EPHA6: variants seen among roughly 807,000 people sequenced by gnomAD.
EPHA6 encodes the protein EPH receptor A6.
In EPHA6, 50 loss-of-function variants were observed where a neutral mutation model predicts 112.0. The ratio of observed to expected loss-of-function variants is 0.45; its 90% CI spans 0.36 to 0.56. EPHA6 has a LOEUF of 0.56. EPHA6 is among the 20% of genes least tolerant of loss of function. EPHA6 has a pLI of 0.00. For missense variants in EPHA6, 1,280 were observed against 1,417.4 expected (o/e 0.90, Z 1.56); for synonymous variants, 529 against 490.7 (o/e 1.08, Z -1.03).
chr3:97,741,563 A>G (rs2035506622), intron 16 of EPHA6, among the ~76,000 whole-genome samples: 1 of 152,064 alleles, frequency 6.6e-6, no homozygotes, highest in East Asian at 1.9e-4. Context: ...CCTCACTGTT[A>G]TTATTCCCAT....
intron 1 of EPHA6, among the ~76,000 whole-genome samples, chr3:96,835,338 G>A (rs1225993996): frequency 6.6e-6 from 1 of 152,066 alleles, no homozygotes; most frequent in Non-Finnish European, 1.5e-5. Flanking sequence ...TTCAAAGGAA[G>A]TGGTGGTCAC....
intron 14 of EPHA6, among the ~76,000 whole-genome samples, chr3:97,691,725 G>T (rs747710350): frequency 1.1e-4 from 17 of 152,110 alleles, no homozygotes; most frequent in African/African-American, 4.1e-4. Flanking sequence ...TTATTTATCT[G>T]ATTGTACTAA....
chr3:97,341,282 A>T (rs985888423), intron 5 of EPHA6, among the ~76,000 whole-genome samples: 4 of 152,202 alleles, frequency 2.6e-5, no homozygotes, highest in Non-Finnish European at 4.4e-5. Flanking sequence ...AAGGGGCTAA[A>T]AAAAAGCAAA....
At chr3:97,511,265 A>G (rs534596327) in intron 10 of EPHA6, among the ~76,000 whole-genome samples, 1 of 151,980 alleles carries the variant, frequency 6.6e-6, no homozygotes, top group East Asian at 1.9e-4. Context: ...GTGTCTGCCC[A>G]GACAGCTGCC....
At chr3:97,409,334 G>C (rs1046583798) in intron 6 of EPHA6, among the ~76,000 whole-genome samples, 11 of 152,074 alleles carry the variant, frequency 7.2e-5, no homozygotes, top group African/African-American at 2.7e-4. Context: ...CCAACTATAT[G>C]CCAGGTAATC....
At chr3:96,868,440 A>G (rs1262069595) in intron 2 of EPHA6, among the ~76,000 whole-genome samples, 1 of 151,810 alleles carries the variant, frequency 6.6e-6, no homozygotes, top group Non-Finnish European at 1.5e-5. Flanking sequence ...AGGTATCAAT[A>G]TAGGTTACAG....
chr3:97,058,072 AT>A (rs1559699534), intron 3 of EPHA6, among the ~76,000 whole-genome samples: 26 of 152,316 alleles, frequency 1.7e-4, no homozygotes, highest in Admixed American at 1.4e-3. Flanking sequence ...AATTTATAGT[AT>A]TTAAGACCAT....
At chr3:97,293,386 G>A (rs534974951) in intron 5 of EPHA6, among the ~76,000 whole-genome samples, 10 of 151,648 alleles carry the variant, frequency 6.6e-5, no homozygotes, top group African/African-American at 2.4e-4. Context: ...CCAACTCTCA[G>A]CAAAGAGGAC....
chr3:97,036,172 A>G (rs1377580178), intron 3 of EPHA6, among the ~76,000 whole-genome samples: 1 of 151,986 alleles, frequency 6.6e-6, no homozygotes, highest in African/African-American at 2.4e-5. Context: ...AGCCTATGAT[A>G]TTTTTATTAT....
intron 5 of EPHA6, among the ~76,000 whole-genome samples, chr3:97,272,937 G>T (rs150510937): frequency 0.012 from 1,816 of 152,194 alleles, 40 homozygotes; most frequent in African/African-American, 0.042. Flanking sequence ...ATTTTGGGGG[G>T]TGGTATGGAG....
intron 5 of EPHA6, among the ~76,000 whole-genome samples, chr3:97,350,831 AAAT>A (rs2083776051): frequency 6.6e-6 from 1 of 152,062 alleles, no homozygotes; most frequent in Non-Finnish European, 1.5e-5. Flanking sequence ...CAAGAAAAAA[AAAT>A]ATATATAATC....
At chr3:97,111,902 G>A (rs1397953599) in intron 3 of EPHA6, among the ~76,000 whole-genome samples, 1 of 151,986 alleles carries the variant, frequency 6.6e-6, no homozygotes, top group East Asian at 1.9e-4. Context: ...CTTGGGCTCA[G>A]TATTTTTAAT....
chr3:97,210,618 T>A (rs2077844315), intron 3 of EPHA6, among the ~76,000 whole-genome samples: 1 of 152,208 alleles, frequency 6.6e-6, no homozygotes, highest in African/African-American at 2.4e-5. Context: ...AATGGGTAAC[T>A]AATGATGAGA....
chr3:97,543,653 G>A (rs2092901826), intron 11 of EPHA6, among the ~76,000 whole-genome samples: 1 of 152,036 alleles, frequency 6.6e-6, no homozygotes, highest in African/African-American at 2.4e-5. Context: ...TAGCTTGATG[G>A]GGATGGCATT....
intron 5 of EPHA6, among the ~76,000 whole-genome samples, chr3:97,293,394 G>T (rs1206448530): frequency 6.6e-6 from 1 of 150,802 alleles, no homozygotes. Flanking sequence ...CAGCAAAGAG[G>T]ACACTCATGA....
chr3:97,388,139 G>T (rs2086181041), intron 5 of EPHA6, among the ~76,000 whole-genome samples: 1 of 152,108 alleles, frequency 6.6e-6, no homozygotes, highest in South Asian at 2.1e-4. Context: ...TGTACATAAA[G>T]CCAAACCATA....
chr3:97,082,418 A>G (rs2046751991), intron 3 of EPHA6, among the ~76,000 whole-genome samples: 1 of 151,850 alleles, frequency 6.6e-6, no homozygotes, highest in Non-Finnish European at 1.5e-5. Flanking sequence ...ATATATGTTC[A>G]CTTGATAATT....
intron 14 of EPHA6, among the ~76,000 whole-genome samples, chr3:97,711,099 C>T (rs752840181): frequency 5.9e-5 from 9 of 152,220 alleles, no homozygotes; most frequent in African/African-American, 1.9e-4. Flanking sequence ...GTGGTTGAAT[C>T]GTGGGAGTAA....
At chr3:97,360,469 A>T (rs529857978) in intron 5 of EPHA6, among the ~76,000 whole-genome samples, 42 of 152,292 alleles carry the variant, frequency 2.8e-4, no homozygotes, top group African/African-American at 9.9e-4. Context: ...TAATTTTAAA[A>T]TTTATTCAAA....
Sources: allele counts gnomAD v4.1 joint callset (sites outside exome capture counted in the v4.1 genomes callset), GRCh38; gene constraint gnomAD v4.1.1; transcripts MANE v1.5; gene names NCBI Gene and HGNC (gene_info 2026-07-23, HGNC 2026-07-21).